PTPRD: variants seen among roughly 807,000 people sequenced by gnomAD.
The protein encoded by PTPRD is protein tyrosine phosphatase receptor type D.
In PTPRD, 34 loss-of-function variants were observed where a neutral mutation model predicts 214.5. The ratio of observed to expected loss-of-function variants is 0.16; its 90% CI spans 0.12 to 0.21. The LOEUF (loss-of-function observed/expected upper bound fraction) is 0.21, where lower values mean the gene tolerates loss of function less well. Among genes scored for constraint, PTPRD ranks in the 10% least tolerant of loss-of-function variants. The pLI is 1.00. For synonymous variants in PTPRD, 1,128 were observed against 845.7 expected (o/e 1.33, Z -5.79); for missense variants, 2,545 against 2,398.7 (o/e 1.06, Z -1.27).
At chr9:8,939,106 C>T (rs986144938) in intron 11 of PTPRD, among the ~76,000 whole-genome samples, 4 of 151,848 alleles carry the variant, frequency 2.6e-5, no homozygotes, top group Non-Finnish European at 5.9e-5. Context: ...TTTAGAATAC[C>T]GCAAGGTCTT....
chr9:9,674,690 T>C (rs2096896084), intron 7 of PTPRD, among the ~76,000 whole-genome samples: 1 of 151,806 alleles, frequency 6.6e-6, no homozygotes, highest in South Asian at 2.1e-4. Flanking sequence ...ATCAGCATTT[T>C]GATAAAAAGA....
At chr9:9,066,787 G>A (rs1323140231) in intron 10 of PTPRD, among the ~76,000 whole-genome samples, 2 of 152,178 alleles carry the variant, frequency 1.3e-5, no homozygotes, top group Non-Finnish European at 2.9e-5. Context: ...TAAACGGGAC[G>A]GGCTTTCTCG....
chr9:8,468,918 T>G (rs1213331333), intron 31 of PTPRD, among the ~76,000 whole-genome samples: 1 of 151,634 alleles, frequency 6.6e-6, no homozygotes, highest in Non-Finnish European at 1.5e-5. Flanking sequence ...GTACTGGAGG[T>G]AATTCCAGAA....
chr9:8,486,553 A>C, intron 27 of PTPRD: 1 of 697,042 alleles, frequency 1.4e-6, no homozygotes, highest in South Asian at 1.5e-5. Flanking sequence ...AGATACTAGA[A>C]TTTGATAATG....
intron 5 of PTPRD, among the ~76,000 whole-genome samples, chr9:9,872,125 C>CT (rs547168954): frequency 3.6e-4 from 55 of 152,248 alleles, no homozygotes; most frequent in African/African-American, 1.3e-3. Flanking sequence ...TCATCTTGCA[C>CT]TTATCCATCA....
intron 11 of PTPRD, among the ~76,000 whole-genome samples, chr9:8,785,878 G>T (rs973068003): frequency 2.0e-5 from 3 of 152,124 alleles, no homozygotes; most frequent in African/African-American, 7.2e-5. Flanking sequence ...TATTACAGAT[G>T]GTTTTTAAAA....
chr9:8,530,797 T>A (rs914909007), intron 14 of PTPRD, among the ~76,000 whole-genome samples: 3 of 152,086 alleles, frequency 2.0e-5, no homozygotes, highest in African/African-American at 7.2e-5. Context: ...TACCAAAGAT[T>A]AAAGCTCCCA....
At chr9:9,390,073 G>A (rs2140866682) in intron 9 of PTPRD, among the ~76,000 whole-genome samples, 1 of 152,298 alleles carries the variant, frequency 6.6e-6, no homozygotes, top group East Asian at 1.9e-4. Flanking sequence ...GCTAGGGGAA[G>A]TCACATGCTG....
rs933726203 is a variant in PTPRD at position 9,139,607 on chromosome 9, G to A, written c.-143+43697C>T. Among the ~76,000 whole-genome samples the A allele has an allele frequency of 6.0e-5, 8 of 133,586 alleles. No individual in the cohort carries two copies. The East Asian group carries it at 1.3e-3, about 22-fold the overall frequency. The allele number at this position is 133,586 out of a possible 152,430, so 87.6% of individuals were successfully genotyped here. On this transcript the variant is annotated intron_variant, in intron 10 of 45. Coordinates refer to ENST00000381196, the MANE Select transcript of PTPRD (RefSeq NM_002839.4). Reference sequence around the variant, plus strand: ...GTAGCTTAGAAATTATAAATAGGCCGGACAAAGGGTGGATTCATGTCCTGG... The same window carrying A: ...GTAGCTTAGAAATTATAAATAGGCCAGACAAAGGGTGGATTCATGTCCTGG...
At chr9:10,390,121 A>T (rs1586957164) in intron 2 of PTPRD, among the ~76,000 whole-genome samples, 1 of 152,008 alleles carries the variant, frequency 6.6e-6, no homozygotes, top group East Asian at 2.0e-4. Context: ...CTGTAAGGAC[A>T]CATATACAGT....
chr9:8,372,060 A>G (rs1448579224), intron 39 of PTPRD, among the ~76,000 whole-genome samples: 1 of 152,078 alleles, frequency 6.6e-6, no homozygotes, highest in Non-Finnish European at 1.5e-5. Context: ...TCAGGTCTTT[A>G]TACAAACAGA....
Position 8,467,042 on chromosome 9 carries a change from T to C in PTPRD, c.3505-1367A>G, listed in dbSNP as rs141388308. Among the ~76,000 whole-genome samples, 164 of 152,044 alleles carry C rather than the reference T, an allele frequency of 1.1e-3. 2 individuals are homozygous for C. In the East Asian group the frequency reaches 0.028, roughly 26 times the overall value. On this transcript the variant is annotated intron_variant, in intron 31 of 45. Coordinates refer to ENST00000381196, the MANE Select transcript of PTPRD (RefSeq NM_002839.4). ...GTAAATGTGTTCAGCTGGTTCAAAA[T>C]TGTATCCTAAAAATGTAAAAAACCA...
At chr9:10,582,621 T>C (rs1051681302) in intron 2 of PTPRD, among the ~76,000 whole-genome samples, 1 of 152,220 alleles carries the variant, frequency 6.6e-6, no homozygotes, top group Non-Finnish European at 1.5e-5. Context: ...ATTTCCATTT[T>C]AGGGTGTATT....
intron 5 of PTPRD, among the ~76,000 whole-genome samples, chr9:9,886,782 C>T (rs943917644): frequency 1.3e-5 from 2 of 152,090 alleles, no homozygotes; most frequent in African/African-American, 4.8e-5. Flanking sequence ...ACTAAGTTAC[C>T]ATACATTTTG....
intron 35 of PTPRD, among the ~76,000 whole-genome samples, chr9:8,407,307 G>C (rs1252989136): frequency 1.3e-5 from 2 of 152,124 alleles, no homozygotes; most frequent in Non-Finnish European, 2.9e-5. Context: ...GGTAGGTATT[G>C]TTTTTTTCCA....
At chr9:10,124,808 G>A (rs140288959) in intron 3 of PTPRD, among the ~76,000 whole-genome samples, 8 of 151,964 alleles carry the variant, frequency 5.3e-5, no homozygotes, top group East Asian at 1.9e-4. Flanking sequence ...TCATCATTTC[G>A]CAGAATACAA....
intron 3 of PTPRD, among the ~76,000 whole-genome samples, chr9:10,309,539 A>G: frequency 8.1e-6 from 1 of 123,220 alleles, no homozygotes; most frequent in South Asian, 2.4e-4. Context: ...TTTTTTTTGT[A>G]TTTTTAGTAG....
intron 29 of PTPRD, 147 bp downstream of exon 29, chr9:8,485,080 C>T: frequency 1.6e-6 from 1 of 643,692 alleles, no homozygotes; most frequent in South Asian, 1.9e-5. Flanking sequence ...AAGCACCAAA[C>T]TGTCTCCCAT....
In PTPRD at chr9:10,558,120, C is replaced by A. The variant is rs537453041; in HGVS notation, c.-600+54278G>T. Among the ~76,000 whole-genome samples, 4 of 152,236 alleles carry A rather than the reference C, an allele frequency of 2.6e-5. No homozygotes were observed. In the South Asian group the frequency reaches 6.2e-4, roughly 24 times the overall value. On this transcript the variant is annotated intron_variant, in intron 2 of 45. Coordinates refer to ENST00000381196, the MANE Select transcript of PTPRD (RefSeq NM_002839.4). ...CACAAATTCCTTAAACTGGACAAGG[C>A]TAATATGCTGAAAGAGTGCCCTTTT...
Sources: allele counts gnomAD v4.1 joint callset (sites outside exome capture counted in the v4.1 genomes callset), GRCh38; gene constraint gnomAD v4.1.1; transcripts MANE v1.5; gene names NCBI Gene and HGNC (gene_info 2026-07-23, HGNC 2026-07-21).